KCNT2: variants seen among roughly 807,000 people sequenced by gnomAD.
KCNT2 encodes potassium channel subfamily T member 2.
KCNT2 carries 67 observed loss-of-function variants against 153.8 expected under a neutral mutation model. That is an observed-to-expected ratio of 0.44 (90% CI 0.36 to 0.53). The LOEUF (loss-of-function observed/expected upper bound fraction) is 0.53, where lower values mean the gene tolerates loss of function less well. KCNT2 is among the 20% of genes least tolerant of loss of function. The probability of loss-of-function intolerance (pLI) is 0.00; values close to 1 mark genes in which losing one functional copy is unlikely to be tolerated. For missense variants in KCNT2, 975 were observed against 1,354.8 expected (o/e 0.72, Z 4.40); for synonymous variants, 500 against 458.8 (o/e 1.09, Z -1.15).
intron 22 of KCNT2, among the ~76,000 whole-genome samples, chr1:196,304,197 C>G (rs572989489): frequency 6.6e-6 from 1 of 152,212 alleles, no homozygotes; most frequent in African/African-American, 2.4e-5. Flanking sequence ...GATGAGGGTA[C>G]AGACACAACC....
intron 13 of KCNT2, among the ~76,000 whole-genome samples, chr1:196,382,198 A>G (rs573335153): frequency 7.9e-5 from 12 of 151,962 alleles, no homozygotes; most frequent in African/African-American, 2.9e-4. Context: ...TCCCAGGTTC[A>G]TGCCATTCTC....
chr1:196,576,136 C>T (rs1375745108), intron 1 of KCNT2, among the ~76,000 whole-genome samples: 1 of 151,048 alleles, frequency 6.6e-6, no homozygotes, highest in Non-Finnish European at 1.5e-5. Flanking sequence ...AGAATCCTAA[C>T]ATCGATGCTA....
intron 1 of KCNT2, among the ~76,000 whole-genome samples, chr1:196,605,827 A>C (rs951562890): frequency 1.3e-5 from 2 of 152,176 alleles, no homozygotes; most frequent in Non-Finnish European, 2.9e-5. Context: ...AGAAGTGAAG[A>C]AGGGAACTAA....
chr1:196,492,133 T>C (rs907684012), intron 2 of KCNT2, 129 bp downstream of exon 2: 2 of 925,094 alleles, frequency 2.2e-6, no homozygotes, highest in Non-Finnish European at 3.0e-6. Context: ...TTTATTCCTC[T>C]ACCACCTGCT....
chr1:196,607,512 CAT>C (rs1470095450), intron 1 of KCNT2, among the ~76,000 whole-genome samples: 1 of 151,766 alleles, frequency 6.6e-6, no homozygotes, highest in Non-Finnish European at 1.5e-5. Flanking sequence ...AATTTTGAGA[CAT>C]ATATTCTGTT....
chr1:196,341,476 TTAG>T (rs1190885145), intron 15 of KCNT2, among the ~76,000 whole-genome samples: 1 of 152,040 alleles, frequency 6.6e-6, no homozygotes, highest in African/African-American at 2.4e-5. Context: ...AATAGATTAG[TTAG>T]TAGACTATAT....
At chr1:196,385,877 C>T (rs920317712) in intron 13 of KCNT2, among the ~76,000 whole-genome samples, 1 of 151,932 alleles carries the variant, frequency 6.6e-6, no homozygotes, top group Admixed American at 6.6e-5. Context: ...CCCCAAATAA[C>T]TCTTACATGC....
intron 12 of KCNT2, among the ~76,000 whole-genome samples, chr1:196,413,687 T>G (rs1672523044): frequency 6.6e-6 from 1 of 151,728 alleles, no homozygotes; most frequent in African/African-American, 2.4e-5. Context: ...CTTAATAATT[T>G]TCCTAAATAA....
chr1:196,372,680 T>C (rs1668637099), intron 14 of KCNT2, among the ~76,000 whole-genome samples: 1 of 151,958 alleles, frequency 6.6e-6, no homozygotes, highest in African/African-American at 2.4e-5. Context: ...GTTATTATTC[T>C]ATTATAAAAT....
Position 196,491,752 on chromosome 1 carries a change from C to T in KCNT2, c.175+510G>A, listed in dbSNP as rs187838617. Among the ~76,000 whole-genome samples the T allele has an allele frequency of 1.4e-3, 212 of 152,046 alleles. 1 individual carries two copies. Among genetic ancestry groups the T allele is most frequent in the Non-Finnish European group, 2.5e-3 (168 of 67,906 alleles). On this transcript the variant is annotated intron_variant, in intron 2 of 27. Transcript: ENST00000294725. The stretch of plus-strand genomic sequence containing the variant: ...CTGGGATGTTAAACTCTGAGATCTA[C>T]CCTACACTTCCTGGCTCAAAATCTC...
intron 8 of KCNT2, among the ~76,000 whole-genome samples, chr1:196,456,157 A>G (rs1056347330): frequency 6.6e-6 from 1 of 151,976 alleles, no homozygotes; most frequent in South Asian, 2.1e-4. Context: ...AGAAGCTGAT[A>G]TTGGAAGTGG....
At chr1:196,301,435 A>T (rs778990927) in intron 22 of KCNT2, among the ~76,000 whole-genome samples, 1 of 152,124 alleles carries the variant, frequency 6.6e-6, no homozygotes, top group Non-Finnish European at 1.5e-5. Flanking sequence ...GGAAAATTTT[A>T]TCCTTACCCC....
chr1:196,307,973 T>C (rs1661796212), intron 21 of KCNT2, among the ~76,000 whole-genome samples: 1 of 151,972 alleles, frequency 6.6e-6, no homozygotes, highest in African/African-American at 2.4e-5. Flanking sequence ...ATATTCACCA[T>C]ATATGGTTGT....
chr1:196,472,730 CTTATAA>C (rs1389641071), intron 5 of KCNT2, among the ~76,000 whole-genome samples: 4 of 152,290 alleles, frequency 2.6e-5, no homozygotes, highest in South Asian at 4.1e-4. Context: ...CTATACTATA[CTTATAA>C]TTATACTATA....
chr1:196,330,941 A>G (rs1424343994), intron 18 of KCNT2, among the ~76,000 whole-genome samples: 1 of 152,008 alleles, frequency 6.6e-6, no homozygotes, highest in Non-Finnish European at 1.5e-5. Flanking sequence ...CAGATCCAGT[A>G]GGCTAATATG....
chr1:196,421,309 T>C (rs1673181649), intron 12 of KCNT2, among the ~76,000 whole-genome samples: 1 of 152,024 alleles, frequency 6.6e-6, no homozygotes, highest in South Asian at 2.1e-4. Flanking sequence ...AAGGGTACTC[T>C]AGAAGGTATT....
chr1:196,434,457 T>G (rs576864041), intron 8 of KCNT2, among the ~76,000 whole-genome samples: 4 of 152,028 alleles, frequency 2.6e-5, no homozygotes, highest in African/African-American at 9.6e-5. Context: ...TGCTTCCAGG[T>G]CTTTTGTTTG....
intron 1 of KCNT2, among the ~76,000 whole-genome samples, chr1:196,606,092 C>T (rs959900135): frequency 1.3e-5 from 2 of 152,116 alleles, no homozygotes; most frequent in African/African-American, 4.8e-5. Context: ...AAGAACATAC[C>T]GCACAGTTAA....
rs946226083 is a variant in KCNT2, at chr1:196,375,545, C to CT, written c.1295-2298dup. Among the ~76,000 whole-genome samples the CT allele has an allele frequency of 3.2e-4, 49 of 151,632 alleles. 1 individual carries two copies. Among genetic ancestry groups the CT allele is most frequent in the African/African-American group, 1.0e-3 (43 of 41,476 alleles). ...AGCACCTTGTCATTGGTAAAAGTGT[C>CT]TTTTTTTCCCACTGTCTTCTTGTTT... On this transcript the variant is annotated intron_variant, in intron 13 of 27. Coordinates refer to ENST00000294725, the MANE Select transcript of KCNT2 (RefSeq NM_198503.5).
Sources: gnomAD v4.1 joint callset for allele counts (sites outside exome capture counted in the v4.1 genomes callset) on GRCh38, gnomAD v4.1.1 for gene constraint, MANE v1.5 for transcripts, NCBI Gene and HGNC (gene_info 2026-07-23, HGNC 2026-07-21) for gene names.